COL21A1: variants seen among roughly 807,000 people sequenced by gnomAD.
COL21A1 encodes collagen alpha-1(XXI) chain.
In COL21A1, 149 loss-of-function variants were observed where a neutral mutation model predicts 137.9. The ratio of observed to expected loss-of-function variants is 1.08; its 90% CI spans 0.95 to 1.24. The LOEUF (loss-of-function observed/expected upper bound fraction) is 1.24. Among genes scored for constraint, COL21A1 ranks in the 50% most tolerant of loss-of-function variants. The pLI is 0.00. For missense variants in COL21A1, 1,167 were observed against 1,158.4 expected, an observed-to-expected ratio of 1.01 and a Z score of -0.11; for synonymous variants, 456 against 391.5, an observed-to-expected ratio of 1.16 and a Z score of -1.95.
intron 1 of COL21A1, among the ~76,000 whole-genome samples, chr6:56,345,249 A>G (rs931544880): frequency 6.6e-6 from 1 of 152,214 alleles, no homozygotes. Context: ...GACACTCCCA[A>G]AAGAATGCAA....
intron 16 of COL21A1, among the ~76,000 whole-genome samples, chr6:56,123,352 T>A (rs76198862): frequency 6.6e-6 from 1 of 152,154 alleles, no homozygotes; most frequent in African/African-American, 2.4e-5. Flanking sequence ...TTTGAAAAAC[T>A]TTCATAGCAC....
intron 1 of COL21A1, among the ~76,000 whole-genome samples, chr6:56,360,274 G>C (rs1228279671): frequency 6.6e-6 from 1 of 152,226 alleles, no homozygotes; most frequent in African/African-American, 2.4e-5. Flanking sequence ...TCACACTGAT[G>C]TGATGTGGAC....
intron 1 of COL21A1, among the ~76,000 whole-genome samples, chr6:56,360,691 A>C (rs1463825521): frequency 1.3e-5 from 2 of 152,246 alleles, no homozygotes; most frequent in South Asian, 4.1e-4. Flanking sequence ...TATCTAAATA[A>C]CAGAAATATG....
At chr6:56,355,782 T>C (rs910332465) in intron 1 of COL21A1, among the ~76,000 whole-genome samples, 2 of 152,208 alleles carry the variant, frequency 1.3e-5, no homozygotes, top group Admixed American at 1.3e-4. Flanking sequence ...TGGAGCCAGC[T>C]GATGGATCCA....
At chr6:56,324,828 C>T (rs10733185) in intron 1 of COL21A1, among the ~76,000 whole-genome samples, 149,967 of 152,126 alleles carry the variant, frequency 0.99, 73,953 homozygotes, top group Middle Eastern at 1. Context: ...TCTCTGACCT[C>T]CTCCTCACCA....
In COL21A1 at chr6:56,181,351, G is replaced by C. The variant is rs189326118; in HGVS notation, c.88+1180C>G. ...TGTTATTTTTGGAAGCTTGGAAGCTGGATGGACTAGGATTAAAGGGTTATG... is the reference window on the plus strand; with the variant it reads ...TGTTATTTTTGGAAGCTTGGAAGCTCGATGGACTAGGATTAAAGGGTTATG... On this transcript the variant is annotated intron_variant, in intron 2 of 29. Transcript: ENST00000244728. 4.4e-3 allele frequency among the ~76,000 whole-genome samples: 677 copies of C among 152,188 alleles called. 6 individuals are homozygous for C. The highest frequency in any genetic ancestry group is 7.5e-3 in the South Asian group (36 of 4,824).
chr6:56,086,754 G>C (rs1768286845), intron 17 of COL21A1, among the ~76,000 whole-genome samples: 2 of 152,282 alleles, frequency 1.3e-5, no homozygotes, highest in South Asian at 2.1e-4. Flanking sequence ...CATTTATCTA[G>C]AAAGGTTCCT....
At chr6:56,315,946 G>A (rs1424937494) in intron 1 of COL21A1, among the ~76,000 whole-genome samples, 1 of 152,140 alleles carries the variant, frequency 6.6e-6, no homozygotes, top group Non-Finnish European at 1.5e-5. Flanking sequence ...CAAAGCATGT[G>A]TCTATTGAAA....
At chr6:56,132,768 C>T (rs779216820) in intron 12 of COL21A1, among the ~76,000 whole-genome samples, 4 of 152,066 alleles carry the variant, frequency 2.6e-5, no homozygotes, top group Admixed American at 6.6e-5. Context: ...ATCATAGGGG[C>T]GGGTCTTTCA....
chr6:56,060,347 T>C (rs1295294209), intron 27 of COL21A1, 129 bp from the exon 28 acceptor site: 1 of 741,224 alleles, frequency 1.3e-6, no homozygotes, highest in Non-Finnish European at 2.2e-6. Flanking sequence ...TCTTGGCCAA[T>C]AATTTCACTT....
chr6:56,201,283 T>G (rs1779391048), intron 1 of COL21A1, among the ~76,000 whole-genome samples: 1 of 152,204 alleles, frequency 6.6e-6, no homozygotes, highest in African/African-American at 2.4e-5. Flanking sequence ...TAGTTTCTTT[T>G]GCTGTGCAGA....
intron 7 of COL21A1, among the ~76,000 whole-genome samples, chr6:56,166,333 A>G (rs1478504861): frequency 1.3e-5 from 2 of 152,272 alleles, no homozygotes; most frequent in East Asian, 3.9e-4. Context: ...GAGCACTGGA[A>G]TAGTCATAGT....
At chr6:56,130,511 T>G (rs1362714384) in intron 12 of COL21A1, among the ~76,000 whole-genome samples, 1 of 152,080 alleles carries the variant, frequency 6.6e-6, no homozygotes, top group African/African-American at 2.4e-5. Flanking sequence ...AGATTCCCTA[T>G]TAAGGCTGAA....
chr6:56,347,217 C>T (rs1233836533), intron 1 of COL21A1, among the ~76,000 whole-genome samples: 2 of 152,118 alleles, frequency 1.3e-5, no homozygotes, highest in Non-Finnish European at 2.9e-5. Context: ...GAATTCATGG[C>T]TTCCCTCTGT....
intron 1 of COL21A1, among the ~76,000 whole-genome samples, chr6:56,344,738 C>T (rs6923787): frequency 0.018 from 2,683 of 152,132 alleles, 75 homozygotes; most frequent in African/African-American, 0.059. Flanking sequence ...TTGCTGTTCT[C>T]GTGATAGTGG....
chr6:56,284,693 G>A (rs1453930096), intron 1 of COL21A1, among the ~76,000 whole-genome samples: 2 of 151,902 alleles, frequency 1.3e-5, no homozygotes. Context: ...CTCCCACATG[G>A]CTACAGAATA....
chr6:56,123,635 A>G (rs1259236305), intron 16 of COL21A1, among the ~76,000 whole-genome samples: 1 of 152,168 alleles, frequency 6.6e-6, no homozygotes, highest in African/African-American at 2.4e-5. Context: ...GAGTTTTTTC[A>G]TAGACAATGA....
chr6:56,357,616 T>TTGATC (rs1355069251), intron 1 of COL21A1, among the ~76,000 whole-genome samples: 1 of 152,230 alleles, frequency 6.6e-6, no homozygotes, highest in Non-Finnish European at 1.5e-5. Flanking sequence ...ATTGTGGAGA[T>TTGATC]TGATCTGTTG....
chr6:56,154,338 T>C (rs1169132391), intron 10 of COL21A1, among the ~76,000 whole-genome samples: 1 of 152,204 alleles, frequency 6.6e-6, no homozygotes, highest in Non-Finnish European at 1.5e-5. Flanking sequence ...TTACTTAGTC[T>C]GTGGCATTCT....
Sources: allele counts gnomAD v4.1 joint callset (sites outside exome capture counted in the v4.1 genomes callset), GRCh38; gene constraint gnomAD v4.1.1; transcripts MANE v1.5; gene names NCBI Gene and HGNC (gene_info 2026-07-23, HGNC 2026-07-21).